ZNF804B: variants seen among roughly 807,000 people sequenced by gnomAD.
ZNF804B encodes zinc finger protein 804B.
Under a neutral mutation model 101.4 loss-of-function variants are expected in ZNF804B, and 80 were observed. The ratio of observed to expected loss-of-function variants is 0.79; its 90% CI spans 0.66 to 0.95. ZNF804B has a LOEUF of 0.95. Ranked by LOEUF, ZNF804B falls within the 40% of genes least tolerant of loss-of-function variation. The pLI is 0.00. For synonymous variants in ZNF804B, 622 were observed against 558.8 expected, an observed-to-expected ratio of 1.11 and a Z score of -1.59; for missense variants, 1,673 against 1,561.9, an observed-to-expected ratio of 1.07 and a Z score of -1.20.
At chr7:89,093,101 G>A (rs1410066200) in intron 1 of ZNF804B, among the ~76,000 whole-genome samples, 1 of 152,128 alleles carries the variant, frequency 6.6e-6, no homozygotes, top group African/African-American at 2.4e-5. Context: ...TGCATGGATT[G>A]TTCCAGCTAT....
intron 1 of ZNF804B, among the ~76,000 whole-genome samples, chr7:89,024,807 A>T (rs1395764705): frequency 6.6e-6 from 1 of 151,892 alleles, no homozygotes; most frequent in Non-Finnish European, 1.5e-5. Flanking sequence ...ACAAAATGAT[A>T]TTGAAGATTC....
At chr7:89,206,555 C>A (rs1479985628) in intron 1 of ZNF804B, among the ~76,000 whole-genome samples, 3 of 152,080 alleles carry the variant, frequency 2.0e-5, no homozygotes, top group African/African-American at 7.2e-5. Flanking sequence ...AGTTCGAGAC[C>A]AGCCTGGCCA....
chr7:89,247,460 A>G (rs1045089222), intron 2 of ZNF804B, among the ~76,000 whole-genome samples: 4 of 152,272 alleles, frequency 2.6e-5, no homozygotes, highest in Admixed American at 6.5e-5. Flanking sequence ...CCAATATTCA[A>G]CTGCTGACAG....
intron 2 of ZNF804B, among the ~76,000 whole-genome samples, chr7:89,314,563 T>G (rs926650012): frequency 4.6e-5 from 7 of 152,184 alleles, no homozygotes; most frequent in Admixed American, 3.9e-4. Context: ...AATTCATACA[T>G]ACTGAGCATT....
intron 2 of ZNF804B, among the ~76,000 whole-genome samples, chr7:89,315,778 T>C (rs1790718714): frequency 1.3e-5 from 2 of 152,074 alleles, no homozygotes; most frequent in Admixed American, 6.6e-5. Context: ...TGTCAAGTTA[T>C]TTAAAGTCAG....
intron 1 of ZNF804B, among the ~76,000 whole-genome samples, chr7:88,952,099 G>A (rs1793232372): frequency 6.6e-6 from 1 of 151,796 alleles, no homozygotes; most frequent in South Asian, 2.1e-4. Context: ...GGAGAAATGT[G>A]GCTGTTCTTT....
At chr7:89,327,208 T>C (rs774549977) in intron 2 of ZNF804B, 136 bp from the exon 3 acceptor site, 4 of 720,858 alleles carry the variant, frequency 5.5e-6, no homozygotes, top group Non-Finnish European at 8.2e-6. Flanking sequence ...ATAGCAACAA[T>C]GGAGAAGATA....
chr7:88,845,632 A>C (rs1357267271), intron 1 of ZNF804B, among the ~76,000 whole-genome samples: 3 of 151,200 alleles, frequency 2.0e-5, no homozygotes, highest in Non-Finnish European at 2.9e-5. Context: ...GCCAAGAAAA[A>C]TTTTCTTTTT....
At chr7:89,296,440 T>G (rs1230590865) in intron 2 of ZNF804B, among the ~76,000 whole-genome samples, 1 of 152,008 alleles carries the variant, frequency 6.6e-6, no homozygotes, top group African/African-American at 2.4e-5. Flanking sequence ...AAGTTATGTC[T>G]TGTTAGAGAG....
At chr7:88,872,366 A>G (rs539498941) in intron 1 of ZNF804B, among the ~76,000 whole-genome samples, 5 of 152,282 alleles carry the variant, frequency 3.3e-5, no homozygotes, top group African/African-American at 7.2e-5. Context: ...GCAGTGAGCT[A>G]TGATTGCGCC....
intron 1 of ZNF804B, among the ~76,000 whole-genome samples, chr7:88,960,551 C>G: frequency 6.6e-6 from 1 of 151,312 alleles, no homozygotes; most frequent in East Asian, 2.0e-4. Flanking sequence ...GGGCAAAGTA[C>G]TCTCTTAGGT....
At chr7:88,860,829 C>G (rs1791634036) in intron 1 of ZNF804B, among the ~76,000 whole-genome samples, 1 of 152,096 alleles carries the variant, frequency 6.6e-6, no homozygotes, top group Admixed American at 6.6e-5. Flanking sequence ...AAATTTTGGT[C>G]TGTATTTGGC....
At chr7:89,260,180 T>C (rs2094080869) in intron 2 of ZNF804B, among the ~76,000 whole-genome samples, 1 of 152,194 alleles carries the variant, frequency 6.6e-6, no homozygotes, top group African/African-American at 2.4e-5. Context: ...CAGCTGGTGC[T>C]TATTTTTTTC....
chr7:89,327,507 A>G (rs1373101199), intron 3 of ZNF804B, 33 bp downstream of exon 3: 17 of 1,590,390 alleles, frequency 1.1e-5, no homozygotes, highest in Non-Finnish European at 1.5e-5. Flanking sequence ...ATGCTTCAAA[A>G]CTCTCGTCAA....
chr7:89,328,879 C>G (rs1350534287), intron 3 of ZNF804B, among the ~76,000 whole-genome samples: 1 of 151,588 alleles, frequency 6.6e-6, no homozygotes, highest in Non-Finnish European at 1.5e-5. Context: ...TTCTGCTTAC[C>G]CATTCTATAT....
At chr7:89,144,831 A>T (rs1021310878) in intron 1 of ZNF804B, among the ~76,000 whole-genome samples, 15 of 152,134 alleles carry the variant, frequency 9.9e-5, no homozygotes, top group African/African-American at 2.9e-4. Flanking sequence ...TTTGCCAATT[A>T]AAAATAAAAT....
chr7:88,978,991 C>A (rs1260805959), intron 1 of ZNF804B, among the ~76,000 whole-genome samples: 3 of 151,670 alleles, frequency 2.0e-5, no homozygotes, highest in Non-Finnish European at 2.9e-5. Flanking sequence ...ATCTTATATT[C>A]CATTATTTTA....
At chr7:89,017,856 G>C (rs1307656890) in intron 1 of ZNF804B, among the ~76,000 whole-genome samples, 1 of 151,814 alleles carries the variant, frequency 6.6e-6, no homozygotes, top group East Asian at 1.9e-4. Flanking sequence ...ATTTTTGTTG[G>C]TTGATTTTTT....
At position 89,334,101 on chromosome 7, in the gene ZNF804B, C is replaced by T. The variant is rs1287787131; in HGVS notation, c.1119C>T (p.Tyr373=). 6.2e-7 allele frequency: 1 copy of T among 1,613,622 alleles called. No homozygotes were observed. The highest frequency in any genetic ancestry group is 1.3e-5 in the African/African-American group (1 of 74,890). ...CTTCCTTCAGCCCACCAAACATTTA[C>T]AACCATAGTGATGCCAGGATATCTG... ...ANASFSPPNI[Y]NHSDARISEC... Residue 373 remains tyrosine, a synonymous_variant, in exon 4 of 4, where the codon TAC becomes TAT. Transcript: ENST00000333190.
Sources: gnomAD v4.1 joint callset for allele counts (sites outside exome capture counted in the v4.1 genomes callset) on GRCh38, gnomAD v4.1.1 for gene constraint, MANE v1.5 for transcripts, NCBI Gene and HGNC (gene_info 2026-07-23, HGNC 2026-07-21) for gene names.